The following CEP78 variants were observed in gnomAD, a reference collection of about 807,000 sequenced individuals.
CEP78 encodes the protein centrosomal protein of 78 kDa.
A neutral mutation model predicts 81.2 loss-of-function variants in CEP78; 76 were observed. The ratio of observed to expected loss-of-function variants is 0.94; its 90% CI spans 0.78 to 1.13. The LOEUF (loss-of-function observed/expected upper bound fraction) is 1.13, where lower values mean the gene tolerates loss of function less well. Among genes scored for constraint, CEP78 ranks in the 50% most tolerant of loss-of-function variants. CEP78 has a pLI of 0.00. For missense variants in CEP78, 918 were observed against 846.8 expected, an observed-to-expected ratio of 1.08 and a Z score of -1.04; for synonymous variants, 293 against 301.4, an observed-to-expected ratio of 0.97 and a Z score of 0.29.
At chr9:78,243,771 A>T in intron 5 of CEP78, 135 bp downstream of exon 5, 1 of 605,948 alleles carries the variant, frequency 1.7e-6, no homozygotes, top group Non-Finnish European at 2.6e-6. Flanking sequence ...TTTTGTTTTT[A>T]AGCCTTTATA....
In CEP78 at chr9:78,246,650, C is replaced by CT. The variant is rs752524779; in HGVS notation, c.779-16dup. On this transcript the variant is annotated intron_variant, in intron 5 of 16. Transcript: ENST00000643273. ...ATCTGTATAGAATTAGCAAGTGACC[C>CT]TTTGTCTTTCATCGAAAGCTCTTGA... 2.0e-5 allele frequency: 30 copies of CT among 1,497,420 alleles called. No homozygotes were observed. The highest frequency in any genetic ancestry group is 2.7e-5 in the Non-Finnish European group (30 of 1,096,374). The allele number at this position is 1,497,420 out of a possible 1,614,324, so 92.8% of individuals were successfully genotyped here. A position where few individuals can be genotyped will look rare whatever the true frequency, so the allele number is the denominator to read the frequency against.
In CEP78 at chr9:78,251,961, G is replaced by C. The variant is rs1451630903; in HGVS notation, c.1123G>C (p.Glu375Gln). 4.4e-6 allele frequency: 7 copies of C among 1,609,102 alleles called. No individual in the cohort carries two copies. The highest frequency in any genetic ancestry group is 5.9e-6 in the Non-Finnish European group (7 of 1,176,752). The stretch of plus-strand genomic sequence containing the variant: ...TGGCAGAAAACACTCCCTTGGTAAA[G>C]AATATTATGCGCCCGCACCTCTTCC... ...SSGRKHSLGKEYYAPAPLPPG... is the reference protein window; with the variant it reads ...SSGRKHSLGKQYYAPAPLPPG... The change falls in exon 9 of 17, where the codon GAA (glutamate) becomes CAA (glutamine). Residue 375 changes from glutamate to glutamine, a missense_variant. Physicochemically the swap from Glu to Gln is conservative, Grantham distance 29. Transcript: ENST00000643273.
In CEP78 at chr9:78,275,175, T is replaced by C. The variant is rs1827775533; in HGVS notation, c.*4324T>C. ...TAATTTACTATAAATAATTGTGTAGTGTTAAACCAATAAATTTGAAAGACT... is the reference window on the plus strand; with the variant it reads ...TAATTTACTATAAATAATTGTGTAGCGTTAAACCAATAAATTTGAAAGACT... On this transcript the variant is annotated 3_prime_UTR_variant, in exon 17 of 17. Coordinates refer to ENST00000643273, the MANE Select transcript of CEP78 (RefSeq NM_001330691.3). 1.3e-5 allele frequency: 2 copies of C among 152,308 alleles called. No individual in the cohort carries two copies. Among genetic ancestry groups the C allele is most frequent in the South Asian group, 4.1e-4 (2 of 4,830 alleles). 9.4% of individuals were successfully genotyped at this position (152,308 alleles called of 1,614,324 possible).
In CEP78 at chr9:78,243,575, T is replaced by C. The variant is rs1826334300; in HGVS notation, c.717T>C (p.Leu239=). The change falls in exon 5 of 17, where the codon CTT becomes CTC. Residue 239 remains leucine (L), a synonymous_variant. Transcript: ENST00000643273. ...LRRITLNCNT[L]IGDLGACAFA... Reference sequence around the variant, plus strand: ...GTATCACACTGAATTGCAACACACTTATTGGTGACCTAGGTGCATGTGCTT... The same window carrying C: ...GTATCACACTGAATTGCAACACACTCATTGGTGACCTAGGTGCATGTGCTT... The C allele has an allele frequency of 6.2e-7, 1 of 1,613,864 alleles. No individual in the cohort carries two copies. The highest frequency in any genetic ancestry group is 8.5e-7 in the Non-Finnish European group (1 of 1,179,816).
At position 78,278,933 on chromosome 9, in the gene CEP78, C is replaced by T. The variant is rs1827854374; in HGVS notation, c.*8082C>T. 2 of 151,900 alleles carry T rather than the reference C, an allele frequency of 1.3e-5. No homozygotes were observed. Among genetic ancestry groups the T allele is most frequent in the South Asian group, 4.2e-4 (2 of 4,788 alleles). 9.4% of individuals were successfully genotyped at this position (151,900 alleles called of 1,614,324 possible). Reference sequence around the variant, plus strand: ...AAGTTAAAAAATAAGAAGACTTTGCCCTGTGACTGAGGTGCTCAGAAGGTA... The same window carrying T: ...AAGTTAAAAAATAAGAAGACTTTGCTCTGTGACTGAGGTGCTCAGAAGGTA... On this transcript the variant is annotated 3_prime_UTR_variant, in exon 17 of 17. Transcript: ENST00000643273.
chr9:78,241,658 C>A, intron 3 of CEP78, 38 bp from the exon 4 acceptor site: 2 of 977,394 alleles, frequency 2.0e-6, no homozygotes, highest in South Asian at 2.8e-5. Flanking sequence ...TGTATATGCT[C>A]TTCATCTTAT....
At position 78,274,168 on chromosome 9, in the gene CEP78, A is replaced by G. The variant is rs1827755471; in HGVS notation, c.*3317A>G. The G allele has an allele frequency of 6.6e-6, 1 of 152,234 alleles. No individual in the cohort carries two copies. The highest frequency in any genetic ancestry group is 1.5e-5 in the Non-Finnish European group (1 of 68,054). The allele number at this position is 152,234 out of a possible 1,614,324, so 9.4% of individuals were successfully genotyped here. A position where few individuals can be genotyped will look rare whatever the true frequency, so the allele number is the denominator to read the frequency against. On this transcript the variant is annotated 3_prime_UTR_variant, in exon 17 of 17. Coordinates refer to ENST00000643273, the MANE Select transcript of CEP78 (RefSeq NM_001330691.3). ...TAGCGATGTATCCATATGGTGGCAAACATGCCACAATTCGGATGAATCTCA... is the reference window on the plus strand; with the variant it reads ...TAGCGATGTATCCATATGGTGGCAAGCATGCCACAATTCGGATGAATCTCA...
rs1827680259 is a variant in CEP78, at chr9:78,271,141, C to T, written c.*290C>T. ...AGAGGAACTGAAGTTAAGCTGCCCACATGATCTCTCTAACTATGATGACCT... is the reference window on the plus strand; with the variant it reads ...AGAGGAACTGAAGTTAAGCTGCCCATATGATCTCTCTAACTATGATGACCT... On this transcript the variant is annotated 3_prime_UTR_variant, in exon 17 of 17. Coordinates refer to ENST00000643273, the MANE Select transcript of CEP78 (RefSeq NM_001330691.3). 3.3e-6 allele frequency: 1 copy of T among 305,288 alleles called. No individual in the cohort carries two copies. The highest frequency in any genetic ancestry group is 6.0e-6 in the Non-Finnish European group (1 of 167,574). 18.9% of individuals were successfully genotyped at this position (305,288 alleles called of 1,614,324 possible). A position where few individuals can be genotyped will look rare whatever the true frequency, so the allele number is the denominator to read the frequency against.
intron 4 of CEP78, among the ~76,000 whole-genome samples, chr9:78,242,932 A>G (rs1563979221): frequency 6.6e-6 from 1 of 152,212 alleles, no homozygotes; most frequent in African/African-American, 2.4e-5. Flanking sequence ...AGAAGAAAAT[A>G]TTAACCTCTA....
chr9:78,254,171 G>T lies in CEP78; in HGVS notation c.1252-665G>T, dbSNP rs77272499. Among the ~76,000 whole-genome samples the T allele has an allele frequency of 4.8e-3, 736 of 152,228 alleles. 4 individuals carry two copies. Among genetic ancestry groups the T allele is most frequent in the African/African-American group, 0.017 (697 of 41,532 alleles). ...AGTTTTGGCTTAAGAATGAGGAAAA[G>T]ATGAGGTTTTTGATGTCTCAGTTTT... is the stretch of plus-strand genomic sequence containing the variant. On this transcript the variant is annotated intron_variant, in intron 10 of 16. Coordinates refer to ENST00000643273, the MANE Select transcript of CEP78 (RefSeq NM_001330691.3).
At chr9:78,254,120 CAGG>C (rs1265981037) in intron 10 of CEP78, among the ~76,000 whole-genome samples, 11 of 152,206 alleles carry the variant, frequency 7.2e-5, no homozygotes, top group Admixed American at 3.3e-4. Context: ...TGAAACTTGA[CAGG>C]AGAATTGCGT....
At position 78,248,830 on chromosome 9, in the gene CEP78, A is replaced by G. The variant is rs373976212; in HGVS notation, c.1026A>G (p.Ile342Met). ...CTGCTAAACAGAAAAGGAGAACTATAATTCTAGGAAGTGGTCACAAAGGAA... is the reference window on the plus strand; with the variant it reads ...CTGCTAAACAGAAAAGGAGAACTATGATTCTAGGAAGTGGTCACAAAGGAA... ...SKTAKQKRRT[I>M]ILGSGHKGKA... Residue 342 changes from isoleucine to methionine, a missense_variant, in exon 8 of 17, where the codon ATA (isoleucine) becomes ATG (methionine). Physicochemically the swap from Ile to Met is conservative, Grantham distance 10. Coordinates refer to ENST00000643273, the MANE Select transcript of CEP78 (RefSeq NM_001330691.3). The G allele has an allele frequency of 5.3e-5, 85 of 1,597,062 alleles. No individual in the cohort carries two copies. In the African/African-American group the frequency reaches 1.1e-3, roughly 21 times the overall value.
At chr9:78,262,415 C>T (rs1827316083) in intron 11 of CEP78, among the ~76,000 whole-genome samples, 1 of 152,048 alleles carries the variant, frequency 6.6e-6, no homozygotes, top group South Asian at 2.1e-4. Flanking sequence ...GAGTTCCTTC[C>T]CTCAACACTC....
At position 78,236,378 on chromosome 9, in the gene CEP78, G is replaced by T. The variant is rs1256439873; in HGVS notation, c.28G>T (p.Asp10Tyr). Residue 10 changes from aspartate (D) to tyrosine (Y), a missense_variant, in exon 1 of 17, where the codon GAC becomes TAC. Physicochemically the swap from Asp to Tyr is radical, Grantham distance 160. Coordinates refer to ENST00000643273, the MANE Select transcript of CEP78 (RefSeq NM_001330691.3). MIDSVKLRR[D>Y]SAADFFSHYE... ...GATCGACTCCGTGAAGCTGCGCCGC[G>T]ACAGCGCGGCGGACTTCTTCTCCCA... The T allele has an allele frequency of 1.3e-6, 2 of 1,587,582 alleles. No individual in the cohort carries two copies. The highest frequency in any genetic ancestry group is 1.7e-5 in the Admixed American group (1 of 57,166).
intron 11 of CEP78, among the ~76,000 whole-genome samples, chr9:78,256,020 A>G (rs1458769585): frequency 1.3e-5 from 2 of 152,262 alleles, no homozygotes; most frequent in East Asian, 1.9e-4. Context: ...TAAGAACTCC[A>G]TAAAACGATA....
chr9:78,263,074 A>T lies in CEP78; in HGVS notation c.1458+90A>T. On this transcript the variant is annotated intron_variant, in intron 12 of 16. Coordinates refer to ENST00000643273, the MANE Select transcript of CEP78 (RefSeq NM_001330691.3). ...TACATACACACACTTTATAAACTTT[A>T]AAATGAGAAAATATAGTGTATTGCA... 4.9e-6 allele frequency: 3 copies of T among 617,768 alleles called. No individual in the cohort carries two copies. The South Asian group carries it at 7.6e-5, about 16-fold the overall frequency. The allele number at this position is 617,768 out of a possible 1,614,324, so 38.3% of individuals were successfully genotyped here.
chr9:78,252,601 A>C (rs898991618), intron 9 of CEP78, among the ~76,000 whole-genome samples: 1 of 152,242 alleles, frequency 6.6e-6, no homozygotes, highest in Non-Finnish European at 1.5e-5. Flanking sequence ...TTAATAAATG[A>C]ATTAGATTAC....
At chr9:78,237,439 C>G (rs1327129465) in intron 1 of CEP78, among the ~76,000 whole-genome samples, 1 of 152,118 alleles carries the variant, frequency 6.6e-6, no homozygotes, top group African/African-American at 2.4e-5. Flanking sequence ...GCTGTTATTC[C>G]TTTGAGCACT....
chr9:78,248,509 CGTT>C (rs1334336740), intron 7 of CEP78, among the ~76,000 whole-genome samples, 154 bp downstream of exon 7: 2 of 152,146 alleles, frequency 1.3e-5, no homozygotes, highest in Non-Finnish European at 2.9e-5. Context: ...AGGTATATAT[CGTT>C]GTGCCCAGCT....
Sources: allele counts gnomAD v4.1 joint callset (sites outside exome capture counted in the v4.1 genomes callset), GRCh38; gene constraint gnomAD v4.1.1; transcripts MANE v1.5; gene names NCBI Gene and HGNC (gene_info 2026-07-23, HGNC 2026-07-21).